The following CDH12 variants were observed in gnomAD, a reference collection of about 807,000 sequenced individuals.
The protein encoded by CDH12 is cadherin-12.
CDH12 carries 41 observed loss-of-function variants against 74.1 expected under a neutral mutation model. The observed-to-expected ratio is 0.55, with a 90% confidence interval of 0.43 to 0.72. The LOEUF (loss-of-function observed/expected upper bound fraction) is 0.72, where lower values mean the gene tolerates loss of function less well. Among genes scored for constraint, CDH12 ranks in the 30% least tolerant of loss-of-function variants. The pLI, the probability that CDH12 is intolerant of heterozygous loss-of-function variation, is 0.00. For synonymous variants in CDH12, 399 were observed against 355.0 expected (o/e 1.12, Z -1.39); for missense variants, 945 against 977.2 (o/e 0.97, Z 0.44).
At chr5:22,278,738 T>C (rs568969562) in intron 3 of CDH12, among the ~76,000 whole-genome samples, 8 of 152,312 alleles carry the variant, frequency 5.3e-5, no homozygotes, top group Non-Finnish European at 1.0e-4. Context: ...ACATTTAGTC[T>C]ACCCTCTAGG....
intron 4 of CDH12, among the ~76,000 whole-genome samples, chr5:22,154,140 A>T (rs1580333173): frequency 1.3e-5 from 2 of 150,446 alleles, no homozygotes; most frequent in African/African-American, 4.9e-5. Flanking sequence ...TGTATGCTGT[A>T]CACTGTGATG....
chr5:22,229,381 T>C (rs1397927140), intron 3 of CDH12, among the ~76,000 whole-genome samples: 1 of 148,632 alleles, frequency 6.7e-6, no homozygotes, highest in Admixed American at 6.7e-5. Flanking sequence ...TGACTAGACA[T>C]TAAGAATAAC....
At position 22,705,116 on chromosome 5, in the gene CDH12, C is replaced by CAT. The variant is rs71609776; in HGVS notation, c.-523+147940_-523+147941dup. Among the ~76,000 whole-genome samples the CAT allele has an allele frequency of 2.8e-3, 359 of 126,110 alleles. 6 individuals carry two copies. The highest frequency in any genetic ancestry group is 8.8e-3 in the Middle Eastern group (2 of 228). 82.7% of individuals were successfully genotyped at this position (126,110 alleles called of 152,430 possible). On this transcript the variant is annotated intron_variant, in intron 1 of 14. Coordinates refer to ENST00000382254, the MANE Select transcript of CDH12 (RefSeq NM_004061.5). ...TCTCAGTCATATTTCCCCACCCAGT[C>CAT]ATATATATATATATACACACACACA...
chr5:22,277,371 G>C (rs996812614), intron 3 of CDH12, among the ~76,000 whole-genome samples: 1 of 152,142 alleles, frequency 6.6e-6, no homozygotes, highest in Non-Finnish European at 1.5e-5. Context: ...GTGGACTTGG[G>C]CCCTGAGGAC....
intron 2 of CDH12, among the ~76,000 whole-genome samples, chr5:22,479,756 G>T (rs1746310702): frequency 6.6e-6 from 1 of 152,126 alleles, no homozygotes; most frequent in Non-Finnish European, 1.5e-5. Context: ...ATGTGTCAAA[G>T]ATTAATATTT....
At chr5:22,190,358 G>GTCTGTCTGTCTGTCTA (rs1554019174) in intron 4 of CDH12, among the ~76,000 whole-genome samples, 1 of 119,776 alleles carries the variant, frequency 8.3e-6, no homozygotes, top group African/African-American at 3.0e-5. Context: ...CTGTCTGTCT[G>GTCTGTCTGTCTGTCTA]TCTATCTATC....
intron 3 of CDH12, among the ~76,000 whole-genome samples, chr5:22,376,145 C>T (rs192648263): frequency 2.6e-5 from 4 of 152,218 alleles, no homozygotes; most frequent in East Asian, 3.9e-4. Context: ...TCATGTCATT[C>T]GCAGCAGCAT....
intron 7 of CDH12, among the ~76,000 whole-genome samples, chr5:21,847,070 G>T (rs1373075115): frequency 3.3e-5 from 5 of 152,054 alleles, no homozygotes; most frequent in African/African-American, 7.2e-5. Context: ...GCGTAAGCCA[G>T]GTCACAGAGC....
chr5:22,507,389 C>T (rs1453815887), intron 1 of CDH12, among the ~76,000 whole-genome samples: 2 of 151,930 alleles, frequency 1.3e-5, no homozygotes, highest in Non-Finnish European at 2.9e-5. Context: ...AATTAATGTA[C>T]ATGTTAATCA....
chr5:21,783,383 A>G lies in CDH12; in HGVS notation c.1368T>C (p.Asn456=). ...TAACTTTACTCGCAATTATGGAGAA[A>G]TTATACTGCGCAGTGCTTTCTCTGT... ...LLDRESTAQY[N]FSIIASKVSN... Residue 456 remains asparagine (N), a synonymous_variant, in exon 11 of 15, where the codon AAT becomes AAC. Transcript: ENST00000382254. The G allele has an allele frequency of 1.2e-6, 2 of 1,613,220 alleles. No homozygotes were observed. The highest frequency in any genetic ancestry group is 1.7e-6 in the Non-Finnish European group (2 of 1,179,340).
At chr5:22,494,176 C>T (rs781491881) in intron 2 of CDH12, among the ~76,000 whole-genome samples, 17 of 152,194 alleles carry the variant, frequency 1.1e-4, no homozygotes, top group South Asian at 4.1e-4. Context: ...TAAAAAATGT[C>T]GAATCTGAGC....
intron 5 of CDH12, among the ~76,000 whole-genome samples, chr5:22,007,157 T>C (rs1432269791): frequency 6.6e-6 from 1 of 152,100 alleles, no homozygotes; most frequent in Non-Finnish European, 1.5e-5. Flanking sequence ...TAGCACTATA[T>C]AAGGAAACCA....
intron 5 of CDH12, among the ~76,000 whole-genome samples, chr5:22,054,490 G>A (rs946425525): frequency 2.0e-5 from 3 of 152,012 alleles, no homozygotes; most frequent in Admixed American, 1.3e-4. Context: ...AGAACTAATA[G>A]AATGGCCTAC....
Position 22,245,695 on chromosome 5 carries a change from CATAT to C in CDH12, c.-332-33056_-332-33053del, listed in dbSNP as rs113861611. 5.3e-5 allele frequency among the ~76,000 whole-genome samples: 8 copies of C among 151,490 alleles called. No homozygotes were observed. In the South Asian group the frequency reaches 1.7e-3, roughly 32 times the overall value. Reference sequence around the variant, plus strand: ...TATATATTTAAATCTGTAGTTCATACATATATATATAATCTGAGATTGGAGGAAG... The same window carrying C: ...TATATATTTAAATCTGTAGTTCATACATATATAATCTGAGATTGGAGGAAG... On this transcript the variant is annotated intron_variant, in intron 3 of 14. Coordinates refer to ENST00000382254, the MANE Select transcript of CDH12 (RefSeq NM_004061.5).
At chr5:22,731,901 C>G (rs1473035572) in intron 1 of CDH12, among the ~76,000 whole-genome samples, 1 of 151,728 alleles carries the variant, frequency 6.6e-6, no homozygotes, top group Non-Finnish European at 1.5e-5. Flanking sequence ...TAAACATGAA[C>G]TTAGTAATAA....
At chr5:22,471,661 T>C (rs887599468) in intron 2 of CDH12, among the ~76,000 whole-genome samples, 2 of 152,162 alleles carry the variant, frequency 1.3e-5, no homozygotes, top group Non-Finnish European at 1.5e-5. Context: ...TCCCCATTCC[T>C]CAGGTTAGGG....
At chr5:22,604,592 T>C (rs2652195) in intron 1 of CDH12, among the ~76,000 whole-genome samples, 85,079 of 151,974 alleles carry the variant, frequency 0.56, 24,156 homozygotes, top group East Asian at 0.68. Flanking sequence ...GTCACAAATG[T>C]ATAAAATAAA....
chr5:22,500,920 A>C (rs1282201747), intron 2 of CDH12, among the ~76,000 whole-genome samples: 1 of 150,026 alleles, frequency 6.7e-6, no homozygotes, highest in Non-Finnish European at 1.5e-5. Flanking sequence ...CTGCAGTATA[A>C]TTTTTTTTTT....
intron 1 of CDH12, among the ~76,000 whole-genome samples, chr5:22,746,961 TA>T (rs1745324846): frequency 2.0e-5 from 3 of 152,136 alleles, no homozygotes; most frequent in Non-Finnish European, 4.4e-5. Flanking sequence ...TAATCCAAGA[TA>T]AAAACTTTAA....
Sources: gnomAD v4.1 joint callset for allele counts (sites outside exome capture counted in the v4.1 genomes callset) on GRCh38, gnomAD v4.1.1 for gene constraint, MANE v1.5 for transcripts, NCBI Gene and HGNC (gene_info 2026-07-23, HGNC 2026-07-21) for gene names.